Variants in SEMA3A observed in about 807,000 individuals in gnomAD.
SEMA3A encodes the protein semaphorin-3A.
A neutral mutation model predicts 97.9 loss-of-function variants in SEMA3A; 29 were observed. That is an observed-to-expected ratio of 0.30 (90% confidence interval 0.22 to 0.40). The LOEUF (loss-of-function observed/expected upper bound fraction) is 0.40. SEMA3A is among the 10% of genes least tolerant of loss of function. The pLI is 1.00. For missense variants in SEMA3A, 763 were observed against 951.3 expected, an observed-to-expected ratio of 0.80 and a Z score of 2.60; for synonymous variants, 321 against 323.7, an observed-to-expected ratio of 0.99 and a Z score of 0.09.
chr7:84,472,829 TCAAA>T (rs1202168652), intron 1 of SEMA3A, among the ~76,000 whole-genome samples: 1 of 152,100 alleles, frequency 6.6e-6, no homozygotes, highest in East Asian at 1.9e-4. Flanking sequence ...AAAATAACAT[TCAAA>T]CAAAAGGAAA....
chr7:84,256,523 A>G (rs1799723738), intron 3 of SEMA3A, among the ~76,000 whole-genome samples: 1 of 152,112 alleles, frequency 6.6e-6, no homozygotes, highest in African/African-American at 2.4e-5. Flanking sequence ...GTCTGAAAGT[A>G]GTCTAGTAAA....
At chr7:84,088,384 G>A (rs1794450745) in intron 4 of SEMA3A, among the ~76,000 whole-genome samples, 2 of 151,984 alleles carry the variant, frequency 1.3e-5, no homozygotes, top group African/African-American at 4.8e-5. Context: ...AACCCGAGAG[G>A]CAGAGGTTGC....
intron 3 of SEMA3A, among the ~76,000 whole-genome samples, chr7:84,300,482 T>C (rs1382942950): frequency 6.6e-6 from 1 of 152,074 alleles, no homozygotes; most frequent in Non-Finnish European, 1.5e-5. Context: ...GGGCTACATG[T>C]TACACAGAAA....
intron 2 of SEMA3A, among the ~76,000 whole-genome samples, chr7:84,327,175 C>T (rs1361709975): frequency 6.6e-6 from 1 of 151,918 alleles, no homozygotes; most frequent in African/African-American, 2.4e-5. Context: ...TTAATAGATT[C>T]ACAATATTTT....
chr7:84,484,177 T>C (rs1191864293), intron 1 of SEMA3A, among the ~76,000 whole-genome samples: 1 of 152,092 alleles, frequency 6.6e-6, no homozygotes, highest in Admixed American at 6.6e-5. Context: ...AATATTATAA[T>C]CTACCTAGAA....
intron 13 of SEMA3A, among the ~76,000 whole-genome samples, chr7:83,982,022 C>T (rs1789433412): frequency 6.6e-6 from 1 of 152,028 alleles, no homozygotes; most frequent in Admixed American, 6.6e-5. Flanking sequence ...GCACTACCTC[C>T]AGGAAGATTA....
intron 6 of SEMA3A, among the ~76,000 whole-genome samples, chr7:84,035,143 T>G (rs1791895198): frequency 6.6e-6 from 1 of 152,052 alleles, no homozygotes; most frequent in Non-Finnish European, 1.5e-5. Flanking sequence ...CATACATTTA[T>G]TAGTTAAAAA....
At chr7:84,201,126 A>G (rs1798345322) in intron 3 of SEMA3A, among the ~76,000 whole-genome samples, 1 of 152,112 alleles carries the variant, frequency 6.6e-6, no homozygotes, top group Admixed American at 6.5e-5. Context: ...CATCTGACTC[A>G]CGCAAAGCAG....
intron 1 of SEMA3A, among the ~76,000 whole-genome samples, chr7:84,476,768 G>T (rs1806294157): frequency 1.3e-5 from 2 of 152,066 alleles, no homozygotes; most frequent in Admixed American, 1.3e-4. Flanking sequence ...CATTGTAGCT[G>T]AAAATCTAAC....
At chr7:84,383,923 A>G (rs946924952) in intron 1 of SEMA3A, among the ~76,000 whole-genome samples, 4 of 152,218 alleles carry the variant, frequency 2.6e-5, no homozygotes, top group African/African-American at 9.6e-5. Flanking sequence ...ATGATCATGA[A>G]TTATTTAAGA....
intron 1 of SEMA3A, among the ~76,000 whole-genome samples, chr7:84,183,716 TA>T (rs1308075561): frequency 8.5e-5 from 13 of 152,082 alleles, no homozygotes; most frequent in African/African-American, 3.1e-4. Flanking sequence ...TCCAAGAAAG[TA>T]AAATTTTACC....
chr7:84,109,675 C>G (rs566950592), intron 4 of SEMA3A, among the ~76,000 whole-genome samples: 1 of 152,162 alleles, frequency 6.6e-6, no homozygotes, highest in Non-Finnish European at 1.5e-5. Context: ...AGAATAAGTC[C>G]TTTATTTGTT....
intron 3 of SEMA3A, among the ~76,000 whole-genome samples, chr7:84,249,694 T>A (rs568032780): frequency 1.3e-5 from 2 of 152,036 alleles, no homozygotes; most frequent in African/African-American, 4.8e-5. Flanking sequence ...ATATGTGGAA[T>A]TAGCAGTGCA....
intron 1 of SEMA3A, among the ~76,000 whole-genome samples, chr7:84,173,057 C>A (rs767050559): frequency 8.5e-5 from 13 of 152,076 alleles, no homozygotes; most frequent in Non-Finnish European, 1.6e-4. Flanking sequence ...TCTGCCAACA[C>A]TTTATGACCA....
intron 1 of SEMA3A, among the ~76,000 whole-genome samples, chr7:84,432,004 A>G (rs1306575430): frequency 2.6e-5 from 4 of 152,112 alleles, no homozygotes; most frequent in African/African-American, 9.7e-5. Context: ...TGATAATGGA[A>G]GTTTTACACA....
At chr7:84,266,010 A>T (rs906721995) in intron 3 of SEMA3A, among the ~76,000 whole-genome samples, 3 of 152,148 alleles carry the variant, frequency 2.0e-5, no homozygotes, top group African/African-American at 7.2e-5. Context: ...TGGATAGGTC[A>T]GAGTAACATT....
intron 3 of SEMA3A, among the ~76,000 whole-genome samples, chr7:84,243,956 C>G (rs1285304382): frequency 6.6e-6 from 1 of 152,116 alleles, no homozygotes; most frequent in Non-Finnish European, 1.5e-5. Flanking sequence ...ACACTGCGGT[C>G]TGAGAGACTG....
At chr7:84,428,657 A>T (rs1352482326) in intron 1 of SEMA3A, among the ~76,000 whole-genome samples, 2 of 152,064 alleles carry the variant, frequency 1.3e-5, no homozygotes, top group African/African-American at 4.8e-5. Flanking sequence ...TTAGTATAAA[A>T]ATTTGCATTC....
rs142186928 is a variant in SEMA3A at position 84,007,467 on chromosome 7, C to T, written c.1026G>A (p.Met342Ile). ...SNIFKGSAVC[M>I]YSMSDVRRVF... ...CCCTTCTCACATCACTCATGCTATA[C>T]ATACACACGGCTGATCCCTTGAAAA... The change falls in exon 10 of 17, where the codon ATG (methionine) becomes ATA (isoleucine). Residue 342 changes from methionine to isoleucine, a missense_variant. Physicochemically the swap from Met to Ile is conservative, Grantham distance 10. Coordinates refer to ENST00000265362, the MANE Select transcript of SEMA3A (RefSeq NM_006080.3). 2.2e-4 allele frequency: 350 copies of T among 1,596,770 alleles called. 1 individual carries two copies. The African/African-American group carries it at 4.3e-3, about 20-fold the overall frequency.
Sources: allele counts gnomAD v4.1 joint callset (sites outside exome capture counted in the v4.1 genomes callset), GRCh38; gene constraint gnomAD v4.1.1; transcripts MANE v1.5; gene names NCBI Gene and HGNC (gene_info 2026-07-23, HGNC 2026-07-21).